Variants in WRAP53 observed in about 807,000 individuals in gnomAD.
WRAP53 encodes telomerase Cajal body protein 1.
WRAP53 carries 28 observed loss-of-function variants against 56.6 expected under a neutral mutation model. That is an observed-to-expected ratio of 0.50 (90% CI 0.37 to 0.68). WRAP53 has a LOEUF of 0.68. WRAP53 is among the 30% of genes least tolerant of loss of function. The pLI, the probability that WRAP53 is intolerant of heterozygous loss-of-function variation, is 0.00. For missense variants in WRAP53, 671 were observed against 715.5 expected (o/e 0.94, Z 0.71); for synonymous variants, 283 against 283.4 (o/e 1.00, Z 0.01).
chr17:7,688,370 T>G, upstream of WRAP53: 1 of 520,304 alleles, frequency 1.9e-6, no homozygotes, highest in Non-Finnish European at 3.4e-6. Context: ...GCGGGTTCCG[T>G]GGGTCGCCCG....
At chr17:7,692,120 A>C (rs112056851) in intron 4 of WRAP53, among the ~76,000 whole-genome samples, 1 of 150,394 alleles carries the variant, frequency 6.6e-6, no homozygotes, top group Non-Finnish European at 1.5e-5. Flanking sequence ...GATTACAGGC[A>C]TGAGCCACTG....
At position 7,702,960 on chromosome 17, in the gene WRAP53, C is replaced by T. The variant is rs1201533474; in HGVS notation, c.1269-33C>T. 2 of 1,613,124 alleles carry T rather than the reference C, an allele frequency of 1.2e-6. No homozygotes were observed. Among genetic ancestry groups the T allele is most frequent in the Admixed American group, 3.3e-5 (2 of 60,000 alleles). Reference sequence around the variant, plus strand: ...AGGGGTTCCTGCCCCAGGGGTGAGGCCTCTGCCAGCAAATCTCTCCTCTCT... The same window carrying T: ...AGGGGTTCCTGCCCCAGGGGTGAGGTCTCTGCCAGCAAATCTCTCCTCTCT... On this transcript the variant is annotated intron_variant, in intron 9 of 10. Transcript: ENST00000396463. This position sits in a 1 kb window ranked among gnomAD's most constrained non-coding sequence, Gnocchi z 5.0.
chr17:7,690,051 C>T (rs1567572138), intron 4 of WRAP53, among the ~76,000 whole-genome samples: 1 of 152,128 alleles, frequency 6.6e-6, no homozygotes, highest in Non-Finnish European at 1.5e-5. Context: ...CGGGTTCAAG[C>T]GATTCTCCTG....
At chr17:7,694,818 A>G (rs922448791) in intron 4 of WRAP53, among the ~76,000 whole-genome samples, 2 of 146,996 alleles carry the variant, frequency 1.4e-5, no homozygotes, top group Non-Finnish European at 3.0e-5. Context: ...ACAGAGTGAG[A>G]CTCTGTCTCA....
In WRAP53 at chr17:7,701,786, T is replaced by C; in HGVS notation, c.952T>C (p.Phe318Leu). 6.2e-7 allele frequency: 1 copy of C among 1,613,892 alleles called. No individual in the cohort carries two copies. Among genetic ancestry groups the C allele is most frequent in the Non-Finnish European group, 8.5e-7 (1 of 1,179,904 alleles). Residue 318 changes from phenylalanine (F) to leucine (L), a missense_variant, in exon 7 of 11, where the codon TTT becomes CTT. By Grantham distance (22) the Phe-to-Leu change is conservative. Transcript: ENST00000396463. This position sits in a 1 kb window ranked among gnomAD's most constrained non-coding sequence, Gnocchi z 4.2. ...CCGAGACTGCGAGGTCCGAGCCACA[T>C]TTGGTAAGCATCTGTGCCTCCAAGG... ...PGRDCEVRAT[F>L]AKKQGQSGII...
intron 4 of WRAP53, among the ~76,000 whole-genome samples, chr17:7,699,966 C>T (rs774508120): frequency 4.6e-5 from 7 of 151,924 alleles, no homozygotes; most frequent in Non-Finnish European, 1.0e-4. Flanking sequence ...CTCCTGGGCT[C>T]AAGTGATCTG....
In WRAP53 at chr17:7,688,682, G is replaced by C; in HGVS notation, c.34G>C (p.Asp12His). 1 of 1,614,204 alleles carries C rather than the reference G, an allele frequency of 6.2e-7. No individual in the cohort carries two copies. Residue 12 changes from aspartate to histidine, a missense_variant, in exon 2 of 11, where the codon GAC becomes CAC. Physicochemically the swap from Asp to His is moderately conservative, Grantham distance 81 (BLOSUM62 -1). Around this residue, in one of 3 missense-constraint regions of WRAP53, gnomAD observed 406 missense variants for 418.5 expected, o/e 0.97. Coordinates refer to ENST00000396463, the MANE Select transcript of WRAP53 (RefSeq NM_001143992.2). ...TTTGGAGACTCAACCGTTAGCTCCG[G>C]ACTGCTGTCCTTCAGACCAGGACCC... ...KTLETQPLAP[D>H]CCPSDQDPAP... is the part of the protein sequence containing the mutation.
chr17:7,688,179 C>A, upstream of WRAP53: 1 of 184,178 alleles, frequency 5.4e-6, no homozygotes, highest in Non-Finnish European at 1.1e-5. Context: ...ACCTGCTGCG[C>A]CCTCTGCAGG....
chr17:7,702,824 C>T lies in WRAP53; in HGVS notation c.1246C>T (p.Arg416Cys), dbSNP rs759563684. 7.4e-6 allele frequency: 12 copies of T among 1,613,920 alleles called. No homozygotes were observed. The highest frequency in any genetic ancestry group is 2.2e-5 in the East Asian group (1 of 44,882). The change falls in exon 9 of 11, where the codon CGC becomes TGC. Residue 416 changes from arginine to cysteine, a missense_variant. Coordinates refer to ENST00000396463, the MANE Select transcript of WRAP53 (RefSeq NM_001143992.2). The surrounding 1 kb of genome is among the most constrained non-coding windows in gnomAD (Gnocchi z 5.0). ...SLGREVTTNQ[R>C]IYFDLDPTGQ... ...GGGTCGAGAGGTGACCACCAATCAG[C>T]GCATCTACTTCGATCTGGACCCGTG... is the stretch of plus-strand genomic sequence containing the variant.
Position 7,688,580 on chromosome 17 carries a change from G to GCGT in WRAP53, c.-2+22_-2+24dup. The GCGT allele has an allele frequency of 6.4e-7, 1 of 1,571,108 alleles. No individual in the cohort carries two copies. Among genetic ancestry groups the GCGT allele is most frequent in the Non-Finnish European group, 8.7e-7 (1 of 1,153,170 alleles). On this transcript the variant is annotated intron_variant, in intron 1 of 10. Transcript: ENST00000396463. ...AGCACAGGTGGGTTTCTTTAGCTCT[G>GCGT]CGTCGGATCCCTGAGAACTTCGAAG...
At chr17:7,691,982 A>G (rs1311257620) in intron 4 of WRAP53, among the ~76,000 whole-genome samples, 1 of 151,892 alleles carries the variant, frequency 6.6e-6, no homozygotes, top group Non-Finnish European at 1.5e-5. Context: ...GATTACAGGC[A>G]TGTGCCACCA....
Position 7,701,401 on chromosome 17 carries a change from G to A in WRAP53, c.732-58G>A, listed in dbSNP as rs746528647. The A allele has an allele frequency of 6.3e-6, 10 of 1,590,656 alleles. No individual in the cohort carries two copies. Among genetic ancestry groups the A allele is most frequent in the East Asian group, 2.2e-5 (1 of 44,718 alleles). ...ATTACAGGCATGAGCCACTGTGCCC[G>A]GCCATTCCTCCCCTTCCTTTGACAG... On this transcript the variant is annotated intron_variant, in intron 5 of 10. Transcript: ENST00000396463. The surrounding 1 kb of genome is among the most constrained non-coding windows in gnomAD (Gnocchi z 4.2).
intron 4 of WRAP53, among the ~76,000 whole-genome samples, chr17:7,698,209 T>G (rs769080565): frequency 4.6e-5 from 7 of 152,170 alleles, no homozygotes; most frequent in Non-Finnish European, 7.3e-5. Flanking sequence ...ATTTTACTCT[T>G]CAGCAGAAAC....
chr17:7,701,660 G>T lies in WRAP53; in HGVS notation c.826G>T (p.Glu276Ter). ...TTCAGCCCTTTCCTTCCCCCAGGATGAGCTGACGGCAGCCCATTCGCTCTG... is the reference window on the plus strand; with the variant it reads ...TTCAGCCCTTTCCTTCCCCCAGGATTAGCTGACGGCAGCCCATTCGCTCTG... ...ASFRAYNHLD[E>*]LTAAHSLCFS... Residue 276 changes from glutamate (E) to a stop codon, truncating the protein, a stop_gained, in exon 7 of 11, where the codon GAG (glutamate) becomes TAG (stop). Coordinates refer to ENST00000396463, the MANE Select transcript of WRAP53 (RefSeq NM_001143992.2). LOFTEE classifies it high-confidence loss of function. The surrounding 1 kb of genome is among the most constrained non-coding windows in gnomAD (Gnocchi z 4.2). 1 of 1,614,260 alleles carries T rather than the reference G, an allele frequency of 6.2e-7. No individual in the cohort carries two copies. Among genetic ancestry groups the T allele is most frequent in the Non-Finnish European group, 8.5e-7 (1 of 1,180,052 alleles).
At chr17:7,690,598 G>T (rs1048152704) in intron 4 of WRAP53, among the ~76,000 whole-genome samples, 2 of 152,148 alleles carry the variant, frequency 1.3e-5, no homozygotes, top group Non-Finnish European at 2.9e-5. Flanking sequence ...CCCAGAACTG[G>T]GAAATAGCTT....
At chr17:7,697,087 G>A (rs978159499) in intron 4 of WRAP53, among the ~76,000 whole-genome samples, 1 of 152,082 alleles carries the variant, frequency 6.6e-6, no homozygotes, top group Non-Finnish European at 1.5e-5. Flanking sequence ...TTGGGAAGCC[G>A]AGGCAGGTGG....
rs926193261 is a variant in WRAP53 at position 7,701,895 on chromosome 17, T to C, written c.955+106T>C. ...ACCTGTGGGGGTTCACGCCGTCCTC[T>C]GTACGGCCCCGGGAGCAGGTGCAGC... On this transcript the variant is annotated intron_variant, in intron 7 of 10. Transcript: ENST00000396463. The surrounding 1 kb of genome is among the most constrained non-coding windows in gnomAD (Gnocchi z 4.2). 6.6e-7 allele frequency: 1 copy of C among 1,521,584 alleles called. No homozygotes were observed. Among genetic ancestry groups the C allele is most frequent in the Non-Finnish European group, 8.9e-7 (1 of 1,129,034 alleles). 94.3% of individuals were successfully genotyped at this position (1,521,584 alleles called of 1,614,324 possible). A position where few individuals can be genotyped will look rare whatever the true frequency, so the allele number is the denominator to read the frequency against.
chr17:7,694,242 C>CTTTTTTTTTTTTTTTTTT (rs749740076), intron 4 of WRAP53, among the ~76,000 whole-genome samples: 2 of 122,618 alleles, frequency 1.6e-5, no homozygotes, highest in Non-Finnish European at 3.3e-5. Flanking sequence ...TTTTTTCTTT[C>CTTTTTTTTTTTTTTTTTT]TTTTTTTTTT....
In WRAP53 at chr17:7,701,490, C is replaced by T. The variant is rs1342717311; in HGVS notation, c.763C>T (p.His255Tyr). ...VASSSRENPI[H>Y]IWDAFTGELR... Reference sequence around the variant, plus strand: ...CAGCAGCAGCCGGGAGAACCCGATTCATATCTGGGACGCATTCACTGGAGA... The same window carrying T: ...CAGCAGCAGCCGGGAGAACCCGATTTATATCTGGGACGCATTCACTGGAGA... Residue 255 changes from histidine (H) to tyrosine (Y), a missense_variant, in exon 6 of 11, where the codon CAT (histidine) becomes TAT (tyrosine). Physicochemically the swap from His to Tyr is moderately conservative, Grantham distance 83. Around this residue, in one of 3 missense-constraint regions of WRAP53, gnomAD observed 406 missense variants for 418.5 expected, o/e 0.97. Coordinates refer to ENST00000396463, the MANE Select transcript of WRAP53 (RefSeq NM_001143992.2). The surrounding 1 kb of genome is among the most constrained non-coding windows in gnomAD (Gnocchi z 4.2). 4 of 1,614,138 alleles carry T rather than the reference C, an allele frequency of 2.5e-6. No individual in the cohort carries two copies. Among genetic ancestry groups the T allele is most frequent in the Non-Finnish European group, 3.4e-6 (4 of 1,180,058 alleles).
Sources: gnomAD v4.1 joint callset for allele counts (sites outside exome capture counted in the v4.1 genomes callset) on GRCh38, gnomAD v4.1.1 for gene constraint, gnomAD v4.1.1 regional missense constraint, Gnocchi (gnomAD v3.1) non-coding constraint, MANE v1.5 for transcripts, NCBI Gene and HGNC (gene_info 2026-07-23, HGNC 2026-07-21) for gene names.